The following MAP2 variants were observed in gnomAD, a reference collection of about 807,000 sequenced individuals.
The protein encoded by MAP2 is microtubule-associated protein 2.
Under a neutral mutation model 137.6 loss-of-function variants are expected in MAP2, and 14 were observed. The observed-to-expected ratio is 0.10, with a 90% confidence interval of 0.07 to 0.16. The LOEUF is 0.16. MAP2 is among the 10% of genes least tolerant of loss of function. The pLI, the probability that MAP2 is intolerant of heterozygous loss-of-function variation, is 1.00. For synonymous variants in MAP2, 786 were observed against 782.3 expected, an observed-to-expected ratio of 1.00 and a Z score of -0.08; for missense variants, 2,088 against 2,191.5, an observed-to-expected ratio of 0.95 and a Z score of 0.94.
chr2:209,684,296 G>A (rs766455187), intron 7 of MAP2, among the ~76,000 whole-genome samples: 47 of 152,170 alleles, frequency 3.1e-4, no homozygotes, highest in Non-Finnish European at 6.2e-4. Flanking sequence ...TGGATGTGGT[G>A]ACCTAATCAT....
chr2:209,614,600 T>C (rs770598708), intron 3 of MAP2, among the ~76,000 whole-genome samples: 3 of 152,234 alleles, frequency 2.0e-5, no homozygotes, highest in African/African-American at 4.8e-5. Flanking sequence ...TATGTTGATA[T>C]ATTTTCTGAG....
At chr2:209,438,335 G>T (rs1488730930) in intron 1 of MAP2, among the ~76,000 whole-genome samples, 1 of 151,486 alleles carries the variant, frequency 6.6e-6, no homozygotes, top group African/African-American at 2.4e-5. Context: ...TCAGTAAATT[G>T]CTTAGGGTTC....
intron 2 of MAP2, among the ~76,000 whole-genome samples, chr2:209,522,709 T>C (rs1438401517): frequency 1.3e-5 from 2 of 152,168 alleles, no homozygotes; most frequent in Non-Finnish European, 2.9e-5. Context: ...GAAGTTTTTG[T>C]TTTTGTTTTT....
rs149589995 is a variant in MAP2 at position 209,668,272 on chromosome 2, C to A, written c.263-10300C>A. ...AGGTGTGCTTGGTATCAATGAGAAG[C>A]AATACAGTGGAGAGATGCAGCTATA... On this transcript the variant is annotated intron_variant, in intron 5 of 15. Transcript: ENST00000682079. Among the ~76,000 whole-genome samples, 55 of 151,948 alleles carry A rather than the reference C, an allele frequency of 3.6e-4. No homozygotes were observed. In the East Asian group the frequency reaches 0.01, roughly 29 times the overall value.
chr2:209,455,221 T>C (rs973629798), intron 1 of MAP2, among the ~76,000 whole-genome samples: 2 of 152,188 alleles, frequency 1.3e-5, no homozygotes, highest in African/African-American at 4.8e-5. Context: ...TACAATCTTA[T>C]TAAGTAGGTA....
At chr2:209,691,305 G>A (rs933328641) in intron 7 of MAP2, among the ~76,000 whole-genome samples, 1 of 152,084 alleles carries the variant, frequency 6.6e-6, no homozygotes, top group Non-Finnish European at 1.5e-5. Flanking sequence ...CAACCGAAAT[G>A]TGCTATATTT....
intron 2 of MAP2, among the ~76,000 whole-genome samples, chr2:209,534,643 A>C (rs945872462): frequency 4.6e-5 from 7 of 152,308 alleles, no homozygotes; most frequent in South Asian, 2.1e-4. Context: ...GTCTGTCAAC[A>C]TTTTTTCTTT....
At chr2:209,562,264 G>A (rs915656277) in intron 2 of MAP2, among the ~76,000 whole-genome samples, 8 of 151,988 alleles carry the variant, frequency 5.3e-5, no homozygotes, top group African/African-American at 1.7e-4. Flanking sequence ...AATGCCCAAG[G>A]CACTACAATA....
intron 4 of MAP2, among the ~76,000 whole-genome samples, chr2:209,632,052 A>G (rs1273637467): frequency 1.3e-5 from 2 of 152,152 alleles, no homozygotes; most frequent in African/African-American, 4.8e-5. Flanking sequence ...ATCAAACTTG[A>G]GTTAGGAAGT....
chr2:209,521,650 G>T (rs1343334180), intron 2 of MAP2, among the ~76,000 whole-genome samples: 1 of 151,870 alleles, frequency 6.6e-6, no homozygotes, highest in African/African-American at 2.4e-5. Flanking sequence ...TGCAATATTG[G>T]AACTCTGTCA....
intron 4 of MAP2, among the ~76,000 whole-genome samples, chr2:209,631,873 A>C (rs147583274): frequency 0.018 from 2,749 of 152,290 alleles, 44 homozygotes; most frequent in Middle Eastern, 0.037. Context: ...AGAAACAGCA[A>C]GTCCATTTTA....
intron 1 of MAP2, among the ~76,000 whole-genome samples, chr2:209,474,906 G>C (rs550542778): frequency 6.6e-6 from 1 of 151,880 alleles, no homozygotes; most frequent in Non-Finnish European, 1.5e-5. Context: ...ATTTGGTCAG[G>C]ATTTATCTTC....
chr2:209,588,714 CAT>C (rs2078426035), intron 3 of MAP2, among the ~76,000 whole-genome samples: 1 of 151,990 alleles, frequency 6.6e-6, no homozygotes, highest in African/African-American at 2.4e-5. Context: ...ATTCTTCTGA[CAT>C]AGTGCCCAAG....
intron 4 of MAP2, among the ~76,000 whole-genome samples, chr2:209,646,921 A>G (rs1172731106): frequency 6.6e-6 from 1 of 152,184 alleles, no homozygotes; most frequent in South Asian, 2.1e-4. Flanking sequence ...TCACATTGCT[A>G]TAAAGAAATA....
At chr2:209,576,003 T>G (rs2075314123) in intron 2 of MAP2, among the ~76,000 whole-genome samples, 1 of 152,220 alleles carries the variant, frequency 6.6e-6, no homozygotes, top group Non-Finnish European at 1.5e-5. Flanking sequence ...TCTCCATTAT[T>G]CATTCCTGGA....
chr2:209,427,222 A>G (rs1692794400), intron 1 of MAP2, among the ~76,000 whole-genome samples: 1 of 152,214 alleles, frequency 6.6e-6, no homozygotes, highest in Admixed American at 6.5e-5. Flanking sequence ...CTGAAATAAT[A>G]GTTACAGTAG....
chr2:209,428,984 C>T (rs1400005096), intron 1 of MAP2, among the ~76,000 whole-genome samples: 7 of 151,502 alleles, frequency 4.6e-5, no homozygotes, highest in Non-Finnish European at 7.4e-5. Context: ...GACGGAGTCT[C>T]GCTCTTTCGC....
intron 1 of MAP2, among the ~76,000 whole-genome samples, chr2:209,455,441 G>T (rs1345845715): frequency 6.6e-6 from 1 of 152,152 alleles, no homozygotes; most frequent in African/African-American, 2.4e-5. Flanking sequence ...GCTCTGTGCT[G>T]TTATTGTCAA....
chr2:209,498,484 C>A (rs1307351043), intron 1 of MAP2, among the ~76,000 whole-genome samples: 1 of 152,200 alleles, frequency 6.6e-6, no homozygotes, highest in East Asian at 1.9e-4. Context: ...CCAGTGGAGA[C>A]CAGATGTGAG....
Sources: gnomAD v4.1 joint callset for allele counts (sites outside exome capture counted in the v4.1 genomes callset) on GRCh38, gnomAD v4.1.1 for gene constraint, MANE v1.5 for transcripts, NCBI Gene and HGNC (gene_info 2026-07-23, HGNC 2026-07-21) for gene names.